The following CDH8 variants were observed in gnomAD, a reference collection of about 807,000 sequenced individuals.
The protein encoded by CDH8 is cadherin-8.
Under a neutral mutation model 68.1 loss-of-function variants are expected in CDH8, and 17 were observed. The observed-to-expected ratio is 0.25, with a 90% CI of 0.17 to 0.37. CDH8 has a LOEUF of 0.37. Ranked by LOEUF, CDH8 falls within the 10% of genes least tolerant of loss-of-function variation. The probability of loss-of-function intolerance (pLI) is 1.00; values close to 1 mark genes in which losing one functional copy is unlikely to be tolerated. For synonymous variants in CDH8, 372 were observed against 365.1 expected, an observed-to-expected ratio of 1.02 and a Z score of -0.21; for missense variants, 763 against 999.3, an observed-to-expected ratio of 0.76 and a Z score of 3.19.
At chr16:61,761,976 G>A (rs1960482122) in intron 8 of CDH8, among the ~76,000 whole-genome samples, 1 of 152,036 alleles carries the variant, frequency 6.6e-6, no homozygotes, top group Non-Finnish European at 1.5e-5. Flanking sequence ...ACTTCAGCCT[G>A]GACAACAGAG....
intron 10 of CDH8, among the ~76,000 whole-genome samples, chr16:61,682,114 C>A (rs1252979145): frequency 6.6e-6 from 1 of 151,792 alleles, no homozygotes; most frequent in Non-Finnish European, 1.5e-5. Flanking sequence ...AATATTCAAT[C>A]TTTTTTTCTC....
At chr16:61,775,216 T>A (rs1960874261) in intron 8 of CDH8, among the ~76,000 whole-genome samples, 1 of 151,808 alleles carries the variant, frequency 6.6e-6, no homozygotes, top group Non-Finnish European at 1.5e-5. Flanking sequence ...AAGAAATAAA[T>A]AAACAATAAA....
At position 62,021,577 on chromosome 16, in the gene CDH8, T is replaced by C. The variant is rs964038189; in HGVS notation, c.-174A>G. 7.4e-6 allele frequency: 10 copies of C among 1,348,920 alleles called. No individual in the cohort carries two copies. In the East Asian group the frequency reaches 1.1e-4, roughly 14 times the overall value. 83.6% of individuals were successfully genotyped at this position (1,348,920 alleles called of 1,614,324 possible). ...GCAGCTTTTCTAAGACCACAATCCA[T>C]TGGCTTTTCTTTTCATTGAAATTTC... On this transcript the variant is annotated 5_prime_UTR_variant, in exon 2 of 12. The change abolishes an upstream ATG in the 5' untranslated region. Transcript: ENST00000577390.
At chr16:61,984,456 GTT>G (rs568736161) in intron 2 of CDH8, among the ~76,000 whole-genome samples, 3 of 142,174 alleles carry the variant, frequency 2.1e-5, no homozygotes, top group Admixed American at 7.1e-5. Context: ...TGTCTTTTAC[GTT>G]TTTTTTTTTT....
intron 3 of CDH8, among the ~76,000 whole-genome samples, chr16:61,883,724 T>C (rs1231603113): frequency 6.6e-6 from 1 of 151,444 alleles, no homozygotes; most frequent in Non-Finnish European, 1.5e-5. Flanking sequence ...TTCAATGCTC[T>C]GACCAAGGAA....
At chr16:61,780,894 T>C (rs1961033496) in intron 8 of CDH8, among the ~76,000 whole-genome samples, 1 of 152,228 alleles carries the variant, frequency 6.6e-6, no homozygotes, top group Admixed American at 6.5e-5. Flanking sequence ...CCACCCCAGC[T>C]AGTATTTTAC....
At chr16:61,834,539 G>A (rs1223310731) in intron 4 of CDH8, among the ~76,000 whole-genome samples, 1 of 151,894 alleles carries the variant, frequency 6.6e-6, no homozygotes. Context: ...ATATAAATTT[G>A]TAGGGCAGTG....
intron 4 of CDH8, among the ~76,000 whole-genome samples, chr16:61,830,446 C>T (rs1049059359): frequency 2.3e-4 from 35 of 151,874 alleles, no homozygotes; most frequent in Admixed American, 2.2e-3. Context: ...AACTTTTATT[C>T]TAAAAAGCCA....
At chr16:61,739,551 C>T (rs1309964336) in intron 8 of CDH8, among the ~76,000 whole-genome samples, 1 of 151,310 alleles carries the variant, frequency 6.6e-6, no homozygotes, top group African/African-American at 2.4e-5. Flanking sequence ...TATAACATAG[C>T]ATTAGGTTGG....
At chr16:61,714,021 A>C (rs1964677393) in intron 9 of CDH8, 63 bp from the exon 10 acceptor site, 1 of 963,360 alleles carries the variant, frequency 1.0e-6, no homozygotes, top group Non-Finnish European at 1.7e-6. Flanking sequence ...CATCGGTAAA[A>C]GCTTAGTGAC....
chr16:61,784,292 A>C (rs1241408634), intron 8 of CDH8, among the ~76,000 whole-genome samples: 17 of 151,686 alleles, frequency 1.1e-4, no homozygotes, highest in East Asian at 5.8e-4. Context: ...CAATCCTAGT[A>C]TCTGATAAAA....
intron 2 of CDH8, among the ~76,000 whole-genome samples, chr16:61,948,999 C>T (rs1029386671): frequency 2.0e-5 from 3 of 152,200 alleles, no homozygotes; most frequent in Admixed American, 2.0e-4. Context: ...TCTTATCTCA[C>T]ATCTCTAAAT....
At chr16:62,031,969 A>T (rs999073207) in intron 1 of CDH8, 1 of 152,200 alleles carries the variant, frequency 6.6e-6, no homozygotes, top group African/African-American at 2.4e-5. Flanking sequence ...GCTTCCAGAG[A>T]CAGGAACAAA....
rs1051971894 is a variant in CDH8, at chr16:61,747,779, T to TA, written c.1415-20565dup. On this transcript the variant is annotated intron_variant, in intron 8 of 11. Transcript: ENST00000577390. ...AAAAAAAATTGTTGGCACACTAAAA[T>TA]AAAAAAAAAAGATGCAGGAAGAAAT... is the stretch of plus-strand genomic sequence containing the variant. 2.8e-3 allele frequency among the ~76,000 whole-genome samples: 415 copies of TA among 146,072 alleles called. 1 individual carries two copies. Among genetic ancestry groups the TA allele is most frequent in the African/African-American group, 8.7e-3 (348 of 40,066 alleles).
At chr16:61,932,451 G>A (rs952096272) in intron 2 of CDH8, among the ~76,000 whole-genome samples, 2 of 152,090 alleles carry the variant, frequency 1.3e-5, no homozygotes, top group African/African-American at 4.8e-5. Flanking sequence ...TTTATGCTCC[G>A]TGTAAAAGTT....
chr16:61,965,541 A>G (rs1965233045), intron 2 of CDH8, among the ~76,000 whole-genome samples: 1 of 152,220 alleles, frequency 6.6e-6, no homozygotes, highest in Admixed American at 6.5e-5. Flanking sequence ...TAAGGTTTCT[A>G]TGGCTCTCAG....
In CDH8 at chr16:61,731,521, G is replaced by A. The variant is rs1180508967; in HGVS notation, c.1415-4306C>T. The stretch of plus-strand genomic sequence containing the variant: ...CCTGCCAAAACCACTGTATTTCCAG[G>A]TGTTTATGTAAATATCCAACACTGT... On this transcript the variant is annotated intron_variant, in intron 8 of 11. Coordinates refer to ENST00000577390, the MANE Select transcript of CDH8 (RefSeq NM_001796.5). Among the ~76,000 whole-genome samples the A allele has an allele frequency of 2.6e-5, 4 of 151,658 alleles. No homozygotes were observed. The Admixed American group carries it at 2.6e-4, about 10-fold the overall frequency.
intron 10 of CDH8, chr16:61,667,620 A>G (rs1372026706): frequency 6.6e-6 from 1 of 151,974 alleles, no homozygotes; most frequent in African/African-American, 2.4e-5. Context: ...TTTTGAGGAG[A>G]GCATGGCCCT....
chr16:61,972,572 GTGTGTGTGTGTGTGTGTGT>G (rs1203830782), intron 2 of CDH8, among the ~76,000 whole-genome samples: 13 of 58,760 alleles, frequency 2.2e-4, no homozygotes, highest in African/African-American at 9.1e-4. Flanking sequence ...CACATTGTGG[GTGTGTGTGTGTGTGTGTGT>G]GTGTGTGTGT....
Sources: allele counts gnomAD v4.1 joint callset (sites outside exome capture counted in the v4.1 genomes callset), GRCh38; gene constraint gnomAD v4.1.1; transcripts MANE v1.5; gene names NCBI Gene and HGNC (gene_info 2026-07-23, HGNC 2026-07-21).